EPHA7: variants seen among roughly 807,000 people sequenced by gnomAD.
The protein encoded by EPHA7 is EPH receptor A7, also known as ephrin type-A receptor 7.
Under a neutral mutation model 112.6 loss-of-function variants are expected in EPHA7, and 25 were observed. The observed-to-expected ratio is 0.22, with a 90% CI of 0.16 to 0.31. The LOEUF (loss-of-function observed/expected upper bound fraction) is 0.31, where lower values mean the gene tolerates loss of function less well. Ranked by LOEUF, EPHA7 falls within the 10% of genes least tolerant of loss-of-function variation. EPHA7 has a pLI of 1.00. For missense variants in EPHA7, 962 were observed against 1,212.6 expected (o/e 0.79, Z 3.07); for synonymous variants, 437 against 406.5 (o/e 1.07, Z -0.90).
intron 14 of EPHA7, among the ~76,000 whole-genome samples, chr6:93,249,901 A>G (rs1000269752): frequency 6.6e-6 from 1 of 152,200 alleles, no homozygotes; most frequent in Admixed American, 6.6e-5. Context: ...GTAGCACTGA[A>G]CATAGGACCA....
intron 5 of EPHA7, among the ~76,000 whole-genome samples, chr6:93,320,900 G>C (rs1377666004): frequency 6.6e-6 from 1 of 151,830 alleles, no homozygotes; most frequent in Non-Finnish European, 1.5e-5. Flanking sequence ...AAATAATTTT[G>C]ATTCATTGAA....
At chr6:93,394,763 C>A (rs140665713) in intron 3 of EPHA7, among the ~76,000 whole-genome samples, 1 of 151,896 alleles carries the variant, frequency 6.6e-6, no homozygotes, top group East Asian at 1.9e-4. Context: ...CAATTAGATG[C>A]AGATCTGTCC....
At chr6:93,399,898 A>G (rs538679019) in intron 3 of EPHA7, among the ~76,000 whole-genome samples, 1 of 152,182 alleles carries the variant, frequency 6.6e-6, no homozygotes, top group South Asian at 2.1e-4. Flanking sequence ...AAAGACTAAA[A>G]AAACCCTCTA....
rs1417999627 is a variant in EPHA7, at chr6:93,241,951, G to C, written c.*1475C>G. 1 of 214,946 alleles carries C rather than the reference G, an allele frequency of 4.7e-6. No individual in the cohort carries two copies. Among genetic ancestry groups the C allele is most frequent in the East Asian group, 6.9e-5 (1 of 14,456 alleles). The allele number at this position is 214,946 out of a possible 1,614,324, so 13.3% of individuals were successfully genotyped here. ...AAGACCAATTATGACCGATCCCTGG[G>C]ATCTTTCTCTATTAAAATCATTATA... On this transcript the variant is annotated 3_prime_UTR_variant, in exon 17 of 17. Transcript: ENST00000369303.
In EPHA7 at chr6:93,245,374, T is replaced by A; in HGVS notation, c.2806A>T (p.Lys936Ter). 6.2e-7 allele frequency: 1 copy of A among 1,613,782 alleles called. No individual in the cohort carries two copies. The highest frequency in any genetic ancestry group is 8.5e-7 in the Non-Finnish European group (1 of 1,179,860). ...AAATTATCTTTATATCTTTCCATCT[T>A]AATAGCTTGTAGCCATTCTCCAACT... Reference protein sequence around the residue: ...CSVGEWLQAIKMERYKDNFTA... With the variant: ...CSVGEWLQAI Residue 936 changes from lysine (K) to a stop codon, truncating the protein, a stop_gained, in exon 16 of 17, where the codon AAG (lysine) becomes TAG (stop). Transcript: ENST00000369303. LOFTEE classifies it high-confidence loss of function.
intron 5 of EPHA7, among the ~76,000 whole-genome samples, chr6:93,321,570 C>T (rs1177726216): frequency 6.6e-6 from 1 of 151,820 alleles, no homozygotes; most frequent in Non-Finnish European, 1.5e-5. Context: ...AATTACAAGA[C>T]AAAAATTATA....
rs1389987827 is a variant in EPHA7 at position 93,419,250 on chromosome 6, T to G, written c.92A>C (p.Lys31Thr). 6.2e-7 allele frequency: 1 copy of G among 1,613,212 alleles called. No homozygotes were observed. The highest frequency in any genetic ancestry group is 1.3e-5 in the African/African-American group (1 of 74,904). Residue 31 changes from lysine to threonine, a missense_variant, in exon 1 of 17, where the codon AAG (lysine) becomes ACG (threonine). Lys to Thr is a moderately conservative substitution (Grantham distance 78). Transcript: ENST00000369303. ...FAHTGEAQAA[K>T]EVLLLDSKAQ... Reference sequence around the variant, plus strand: ...TTGCTTTCCCATCACCTTACCTTCCTTCGCAGCCTGCGCCTCCCCTGTGTG... The same window carrying G: ...TTGCTTTCCCATCACCTTACCTTCCGTCGCAGCCTGCGCCTCCCCTGTGTG...
intron 1 of EPHA7, among the ~76,000 whole-genome samples, chr6:93,415,846 T>C (rs534915327): frequency 6.6e-6 from 1 of 152,182 alleles, no homozygotes; most frequent in Non-Finnish European, 1.5e-5. Flanking sequence ...TTAATAATTA[T>C]ACAACTCAAT....
At chr6:93,307,952 G>T (rs984548312) in intron 5 of EPHA7, among the ~76,000 whole-genome samples, 22 of 152,128 alleles carry the variant, frequency 1.4e-4, no homozygotes, top group African/African-American at 5.1e-4. Flanking sequence ...GATGAATATG[G>T]ATTTGTGCAC....
chr6:93,242,746 C>T lies in EPHA7; in HGVS notation c.*680G>A, dbSNP rs1769742608. The T allele has an allele frequency of 4.7e-6, 1 of 211,968 alleles. No homozygotes were observed. The highest frequency in any genetic ancestry group is 2.3e-5 in the African/African-American group (1 of 44,166). The allele number at this position is 211,968 out of a possible 1,614,324, so 13.1% of individuals were successfully genotyped here. A position where few individuals can be genotyped will look rare whatever the true frequency, so the allele number is the denominator to read the frequency against. ...AAATTCTTTTTAAAAAATATCAGAG[C>T]TCTTGGCAACTTGCATTTTCTTGAC... On this transcript the variant is annotated 3_prime_UTR_variant, in exon 17 of 17. Transcript: ENST00000369303.
intron 5 of EPHA7, among the ~76,000 whole-genome samples, chr6:93,315,841 C>T (rs193032240): frequency 2.6e-5 from 4 of 152,264 alleles, no homozygotes; most frequent in African/African-American, 4.8e-5. Flanking sequence ...ATAATTCACT[C>T]TCAGTGTTTG....
At chr6:93,345,143 G>T (rs1775335920) in intron 5 of EPHA7, among the ~76,000 whole-genome samples, 2 of 151,594 alleles carry the variant, frequency 1.3e-5, no homozygotes, top group Admixed American at 1.3e-4. Context: ...AGAGTTAAGG[G>T]TGCTGAGTTT....
At chr6:93,418,404 T>C (rs980927110) in intron 1 of EPHA7, among the ~76,000 whole-genome samples, 3 of 152,226 alleles carry the variant, frequency 2.0e-5, no homozygotes, top group Admixed American at 2.0e-4. Flanking sequence ...TTGGCAAGGA[T>C]TGGGCACTCG....
intron 5 of EPHA7, among the ~76,000 whole-genome samples, chr6:93,291,788 T>A (rs74644701): frequency 0.016 from 1,115 of 70,250 alleles, 20 homozygotes; most frequent in African/African-American, 0.033. Flanking sequence ...AAAAAAAAAA[T>A]ACTTTTCTGG....
intron 5 of EPHA7, among the ~76,000 whole-genome samples, chr6:93,344,416 A>G (rs1216234815): frequency 1.3e-5 from 2 of 151,126 alleles, no homozygotes; most frequent in Non-Finnish European, 3.0e-5. Flanking sequence ...GGTTATGATA[A>G]TGTATTAGAA....
intron 5 of EPHA7, among the ~76,000 whole-genome samples, chr6:93,334,861 C>G (rs187915377): frequency 6.6e-6 from 1 of 151,998 alleles, no homozygotes; most frequent in Non-Finnish European, 1.5e-5. Context: ...GTAAAGATTG[C>G]GATGTGTAGC....
chr6:93,365,568 C>A (rs1035431997), intron 3 of EPHA7, among the ~76,000 whole-genome samples: 1 of 152,138 alleles, frequency 6.6e-6, no homozygotes, highest in Non-Finnish European at 1.5e-5. Flanking sequence ...ATTGACTATG[C>A]CTCAGTGGGA....
chr6:93,349,977 T>G (rs1015111370), intron 5 of EPHA7, among the ~76,000 whole-genome samples: 1 of 151,922 alleles, frequency 6.6e-6, no homozygotes, highest in African/African-American at 2.4e-5. Context: ...TTATATCACA[T>G]GACTCAGGTT....
chr6:93,293,042 A>C (rs1415336076), intron 5 of EPHA7, among the ~76,000 whole-genome samples: 1 of 152,136 alleles, frequency 6.6e-6, no homozygotes. Context: ...TGTACAATTG[A>C]AAAGAAATGA....
Sources: gnomAD v4.1 joint callset for allele counts (sites outside exome capture counted in the v4.1 genomes callset) on GRCh38, gnomAD v4.1.1 for gene constraint, MANE v1.5 for transcripts, NCBI Gene and HGNC (gene_info 2026-07-23, HGNC 2026-07-21) for gene names.